Variants in MAP4K1 observed in about 807,000 individuals in gnomAD.
MAP4K1 encodes the protein MAPK/ERK kinase kinase kinase 1.
MAP4K1 carries 35 observed loss-of-function variants against 122.8 expected under a neutral mutation model. The ratio of observed to expected loss-of-function variants is 0.29; its 90% CI spans 0.22 to 0.38. MAP4K1 has a LOEUF of 0.38. Ranked by LOEUF, MAP4K1 falls within the 10% of genes least tolerant of loss-of-function variation. MAP4K1 has a pLI of 1.00. For synonymous variants in MAP4K1, 412 were observed against 421.3 expected (o/e 0.98, Z 0.27); for missense variants, 791 against 1,072.6 (o/e 0.74, Z 3.67).
At chr19:38,607,640 AG>A (rs1975368793) in intron 16 of MAP4K1, among the ~76,000 whole-genome samples, 1 of 150,738 alleles carries the variant, frequency 6.6e-6, no homozygotes, top group African/African-American at 2.4e-5. Flanking sequence ...GTTGGGGGTC[AG>A]GGGTTGGAGG....
Position 38,596,012 on chromosome 19 carries a change from G to C in MAP4K1, c.2117-11C>G. 6.2e-7 allele frequency: 1 copy of C among 1,613,494 alleles called. No individual in the cohort carries two copies. The highest frequency in any genetic ancestry group is 8.5e-7 in the Non-Finnish European group (1 of 1,179,668). ...CGGGTCCCCTGTGCTCTGTTTGGGG[G>C]GAGTGGGTTAAGGATTGACCCCACC... On this transcript the variant is annotated splice_polypyrimidine_tract_variant and intron_variant, in intron 26 of 30. Coordinates refer to ENST00000396857, the MANE Select transcript of MAP4K1 (RefSeq NM_001042600.3).
At chr19:38,615,703 A>T (rs1975627790) in intron 4 of MAP4K1, among the ~76,000 whole-genome samples, 1 of 152,076 alleles carries the variant, frequency 6.6e-6, no homozygotes, top group South Asian at 2.1e-4. Context: ...TTCCTTTTCT[A>T]ACATTTGAGG....
chr19:38,603,552 A>G (rs1161142354), intron 19 of MAP4K1, among the ~76,000 whole-genome samples: 2 of 152,074 alleles, frequency 1.3e-5, no homozygotes, highest in African/African-American at 4.8e-5. Context: ...ACATACTTTT[A>G]GCCGGTAGCC....
rs1974707524 is a variant in MAP4K1 at position 38,590,928 on chromosome 19, C to T, written c.2396+2354G>A. Among the ~76,000 whole-genome samples, 3 of 151,876 alleles carry T rather than the reference C, an allele frequency of 2.0e-5. 1 individual carries two copies. The South Asian group carries it at 6.2e-4, about 31-fold the overall frequency. On this transcript the variant is annotated intron_variant, in intron 30 of 30. Coordinates refer to ENST00000396857, the MANE Select transcript of MAP4K1 (RefSeq NM_001042600.3). The stretch of plus-strand genomic sequence containing the variant: ...AAGTATTTTAGGGGTAAATGGGCAT[C>T]ACGTCTGCAATTCATTCCCAAATAT...
chr19:38,607,419 G>T (rs1975358548), intron 16 of MAP4K1, among the ~76,000 whole-genome samples: 1 of 151,942 alleles, frequency 6.6e-6, no homozygotes, highest in South Asian at 2.1e-4. Context: ...AATTAGCTGG[G>T]CATGGTGGCA....
At position 38,612,602 on chromosome 19, in the gene MAP4K1, C is replaced by G. The variant is rs1975530372; in HGVS notation, c.665+9G>C. On this transcript the variant is annotated intron_variant, in intron 9 of 30. Coordinates refer to ENST00000396857, the MANE Select transcript of MAP4K1 (RefSeq NM_001042600.3). ...GATCTCTGGGCCTGGGGACCCCACG[C>G]CTGCCTACCTGAGAGGGTGCACATC... 6.2e-7 allele frequency: 1 copy of G among 1,610,718 alleles called. No individual in the cohort carries two copies. The highest frequency in any genetic ancestry group is 8.5e-7 in the Non-Finnish European group (1 of 1,179,414).
chr19:38,587,728 C>A lies in MAP4K1; in HGVS notation c.*20G>T. On this transcript the variant is annotated 3_prime_UTR_variant, in exon 31 of 31. Transcript: ENST00000396857. ...GGGGGAGGGGGTGCAAGGACTAGTT[C>A]CTGACACCCCCCTAGGGACTCATTC... 1 of 1,605,098 alleles carries A rather than the reference C, an allele frequency of 6.2e-7. No individual in the cohort carries two copies. The highest frequency in any genetic ancestry group is 1.3e-5 in the African/African-American group (1 of 74,840).
At chr19:38,603,343 TATACAC>T (rs1975214883) in intron 19 of MAP4K1, among the ~76,000 whole-genome samples, 1 of 150,672 alleles carries the variant, frequency 6.6e-6, no homozygotes, top group African/African-American at 2.4e-5. Context: ...CATATACATA[TATACAC>T]ATATACATAT....
rs1326511020 is a variant in MAP4K1 at position 38,597,253 on chromosome 19, G to T, written c.1837+73C>A. ...TGCCTTAACTCTGTAACCTTCTCAGGTGGATGCAGTTCAAGCCCCTCCTCT... is the reference window on the plus strand; with the variant it reads ...TGCCTTAACTCTGTAACCTTCTCAGTTGGATGCAGTTCAAGCCCCTCCTCT... On this transcript the variant is annotated intron_variant, in intron 24 of 30. Coordinates refer to ENST00000396857, the MANE Select transcript of MAP4K1 (RefSeq NM_001042600.3). This position sits in a 1 kb window ranked among gnomAD's most constrained non-coding sequence, Gnocchi z 4.6. 14 of 1,601,920 alleles carry T rather than the reference G, an allele frequency of 8.7e-6. No individual in the cohort carries two copies. The highest frequency in any genetic ancestry group is 1.2e-5 in the Non-Finnish European group (14 of 1,169,878).
rs758973919 is a variant in MAP4K1 at position 38,587,709 on chromosome 19, G to A, written c.*39C>T. 1 of 1,467,082 alleles carries A rather than the reference G, an allele frequency of 6.8e-7. No homozygotes were observed. Among genetic ancestry groups the A allele is most frequent in the Admixed American group, 1.7e-5 (1 of 59,644 alleles). 90.9% of individuals were successfully genotyped at this position (1,467,082 alleles called of 1,614,324 possible). On this transcript the variant is annotated 3_prime_UTR_variant, in exon 31 of 31. Coordinates refer to ENST00000396857, the MANE Select transcript of MAP4K1 (RefSeq NM_001042600.3). Reference sequence around the variant, plus strand: ...TGACCACTAGTGTGTCTATGGGGGAGGGGGTGCAAGGACTAGTTCCTGACA... The same window carrying A: ...TGACCACTAGTGTGTCTATGGGGGAAGGGGTGCAAGGACTAGTTCCTGACA...
intron 13 of MAP4K1, among the ~76,000 whole-genome samples, chr19:38,608,727 G>A (rs1173131099): frequency 2.0e-5 from 3 of 147,094 alleles, no homozygotes; most frequent in East Asian, 4.1e-4. Flanking sequence ...TTGAACCCAG[G>A]AGGCAGAGGT....
intron 16 of MAP4K1, 33 bp from the exon 17 acceptor site, chr19:38,606,248 GGCTGGGGA>G: frequency 4.1e-6 from 5 of 1,228,830 alleles, no homozygotes; most frequent in Non-Finnish European, 4.6e-6. Context: ...ATAGCTGGGG[GGCTGGGGA>G]ACAAGGACTC....
At chr19:38,616,596 C>A (rs1242345432) in intron 3 of MAP4K1, among the ~76,000 whole-genome samples, 1 of 152,028 alleles carries the variant, frequency 6.6e-6, no homozygotes, top group Non-Finnish European at 1.5e-5. Context: ...GGGCCCAGGG[C>A]ACCTGTTCTG....
chr19:38,595,090 T>G (rs1390446248), intron 29 of MAP4K1, among the ~76,000 whole-genome samples: 3 of 151,672 alleles, frequency 2.0e-5, no homozygotes, highest in Non-Finnish European at 4.4e-5. Context: ...TTCAAGACCA[T>G]CCAGCCTGAT....
At position 38,617,394 on chromosome 19, in the gene MAP4K1, G is replaced by T. The variant is rs35079766; in HGVS notation, c.208C>A (p.Arg70=). The part of the protein sequence containing the change: ...QKEILILKTC[R]HANIVAYHGS... ...TGGTAGGCCACGATGTTGGCGTGCC[G>T]GCAAGTTTTCAATATGAGGATTTCC... is the stretch of plus-strand genomic sequence containing the variant. The change falls in exon 3 of 31, where the codon CGG becomes AGG. Residue 70 remains arginine, a synonymous_variant. Coordinates refer to ENST00000396857, the MANE Select transcript of MAP4K1 (RefSeq NM_001042600.3). The surrounding 1 kb of genome is among the most constrained non-coding windows in gnomAD (Gnocchi z 4.1). 5 of 1,613,758 alleles carry T rather than the reference G, an allele frequency of 3.1e-6. No homozygotes were observed. The highest frequency in any genetic ancestry group is 1.3e-5 in the African/African-American group (1 of 74,868).
chr19:38,594,827 G>C (rs1307941252), intron 29 of MAP4K1, among the ~76,000 whole-genome samples: 1 of 151,958 alleles, frequency 6.6e-6, no homozygotes, highest in Non-Finnish European at 1.5e-5. Context: ...TGTAGTCTCA[G>C]CTACTCAGGA....
chr19:38,603,079 T>TACACACATATACATATATAC (rs201954060), intron 19 of MAP4K1, among the ~76,000 whole-genome samples: 3 of 101,768 alleles, frequency 2.9e-5, no homozygotes, highest in African/African-American at 3.9e-5. Flanking sequence ...TATACATATA[T>TACACACATATACATATATAC]ACACATGTAC....
intron 22 of MAP4K1, among the ~76,000 whole-genome samples, 156 bp downstream of exon 22, chr19:38,599,768 TG>T (rs1975005089): frequency 6.6e-6 from 1 of 152,138 alleles, no homozygotes; most frequent in Admixed American, 6.6e-5. Flanking sequence ...AATTGAGGCT[TG>T]GGGAGCACAG....
chr19:38,597,085 G>A lies in MAP4K1; in HGVS notation c.1890C>T (p.Ser630=), dbSNP rs1426133366. The A allele has an allele frequency of 4.3e-6, 7 of 1,614,112 alleles. No homozygotes were observed. The highest frequency in any genetic ancestry group is 5.9e-6 in the Non-Finnish European group (7 of 1,179,994). The change falls in exon 25 of 31, where the codon TCC becomes TCT. Residue 630 remains serine (S), a synonymous_variant. Coordinates refer to ENST00000396857, the MANE Select transcript of MAP4K1 (RefSeq NM_001042600.3). This position sits in a 1 kb window ranked among gnomAD's most constrained non-coding sequence, Gnocchi z 4.6. ...GPFLCGALET[S]VVLLQWYQPM... ...GCTGGTACCACTGAAGCAGGACAAC[G>A]GACGTCTCCAATGCACCGCACAGGA...
Sources: gnomAD v4.1 joint callset for allele counts (sites outside exome capture counted in the v4.1 genomes callset) on GRCh38, gnomAD v4.1.1 for gene constraint, Gnocchi (gnomAD v3.1) non-coding constraint, MANE v1.5 for transcripts, NCBI Gene and HGNC (gene_info 2026-07-23, HGNC 2026-07-21) for gene names.